ADAMTS3: variants seen among roughly 807,000 people sequenced by gnomAD.
ADAMTS3 encodes A disintegrin and metalloproteinase with thrombospondin motifs 3.
A neutral mutation model predicts 129.0 loss-of-function variants in ADAMTS3; 73 were observed. That is an observed-to-expected ratio of 0.57 (90% CI 0.47 to 0.69). The LOEUF is 0.69. Among genes scored for constraint, ADAMTS3 ranks in the 30% least tolerant of loss-of-function variants. The pLI, the probability that ADAMTS3 is intolerant of heterozygous loss-of-function variation, is 0.00. For missense variants in ADAMTS3, 1,457 were observed against 1,514.5 expected (o/e 0.96, Z 0.63); for synonymous variants, 477 against 510.8 (o/e 0.93, Z 0.89).
chr4:72,349,362 T>C (rs1720368029), intron 4 of ADAMTS3, among the ~76,000 whole-genome samples: 1 of 152,044 alleles, frequency 6.6e-6, no homozygotes, highest in African/African-American at 2.4e-5. Context: ...TCGTCAAGGA[T>C]ACAACCATCG....
At chr4:72,353,519 T>C (rs1720496957) in intron 4 of ADAMTS3, among the ~76,000 whole-genome samples, 1 of 151,920 alleles carries the variant, frequency 6.6e-6, no homozygotes, top group Non-Finnish European at 1.5e-5. Flanking sequence ...TTGGATAATA[T>C]CATCAGTAGC....
chr4:72,526,724 ATATACATACATATATATATATATATATAT>A (rs1233599966), intron 3 of ADAMTS3, among the ~76,000 whole-genome samples: 107 of 77,724 alleles, frequency 1.4e-3, no homozygotes, highest in African/African-American at 5.4e-3. Flanking sequence ...CAGAAAAAAT[ATATACATACATATATATATATATATATAT>A]ATATATATAT....
intron 3 of ADAMTS3, among the ~76,000 whole-genome samples, chr4:72,482,025 A>G (rs998886193): frequency 1.3e-5 from 2 of 152,114 alleles, no homozygotes; most frequent in Non-Finnish European, 2.9e-5. Flanking sequence ...GAATGTGAAG[A>G]AACTGGAACA....
chr4:72,323,423 G>A (rs750873788), intron 5 of ADAMTS3, among the ~76,000 whole-genome samples: 3 of 152,196 alleles, frequency 2.0e-5, no homozygotes, highest in Admixed American at 6.5e-5. Flanking sequence ...CCACAGGAGG[G>A]TAACTTTGGC....
chr4:72,473,207 C>T (rs2109995979), intron 3 of ADAMTS3, among the ~76,000 whole-genome samples: 1 of 152,150 alleles, frequency 6.6e-6, no homozygotes, highest in South Asian at 2.1e-4. Context: ...ACTCTACTCA[C>T]TAAGTACAAC....
At chr4:72,519,020 T>C (rs937392868) in intron 3 of ADAMTS3, among the ~76,000 whole-genome samples, 4 of 151,482 alleles carry the variant, frequency 2.6e-5, no homozygotes, top group African/African-American at 9.7e-5. Context: ...GGAGCTCTTT[T>C]AGGGCAGGCC....
At chr4:72,305,279 T>C (rs1425944116) in intron 16 of ADAMTS3, among the ~76,000 whole-genome samples, 2 of 151,998 alleles carry the variant, frequency 1.3e-5, no homozygotes, top group African/African-American at 2.4e-5. Flanking sequence ...GGCAAATGGA[T>C]CTGCATGTGC....
chr4:72,447,500 A>G (rs1024814587), intron 3 of ADAMTS3, among the ~76,000 whole-genome samples: 2 of 151,798 alleles, frequency 1.3e-5, no homozygotes, highest in African/African-American at 4.8e-5. Flanking sequence ...GTTCAATTAC[A>G]ACAAAATTTG....
intron 3 of ADAMTS3, among the ~76,000 whole-genome samples, chr4:72,416,528 T>C (rs998379475): frequency 6.6e-5 from 10 of 152,150 alleles, no homozygotes; most frequent in South Asian, 2.1e-4. Flanking sequence ...TAAAAGAGCA[T>C]TGAGCTAGTG....
At chr4:72,412,987 C>G (rs776515665) in intron 4 of ADAMTS3, among the ~76,000 whole-genome samples, 7 of 151,938 alleles carry the variant, frequency 4.6e-5, no homozygotes, top group Non-Finnish European at 2.9e-5. Context: ...CCATCCAATT[C>G]CTTTGTATAT....
At chr4:72,525,224 C>T (rs1720777505) in intron 3 of ADAMTS3, among the ~76,000 whole-genome samples, 1 of 152,130 alleles carries the variant, frequency 6.6e-6, no homozygotes, top group Non-Finnish European at 1.5e-5. Flanking sequence ...CAGGTAGAGC[C>T]TAAAGACCCC....
At chr4:72,307,112 T>C (rs1275858409) in intron 15 of ADAMTS3, among the ~76,000 whole-genome samples, 5 of 152,138 alleles carry the variant, frequency 3.3e-5, no homozygotes, top group Non-Finnish European at 7.4e-5. Flanking sequence ...CAATCCACAA[T>C]TATTGATGAA....
chr4:72,399,527 G>A (rs187669571), intron 4 of ADAMTS3, among the ~76,000 whole-genome samples: 11 of 152,222 alleles, frequency 7.2e-5, no homozygotes, highest in African/African-American at 2.4e-4. Flanking sequence ...ATTTATTGAA[G>A]ACCTACCCTG....
At chr4:72,563,584 A>C (rs1403507757) in intron 2 of ADAMTS3, among the ~76,000 whole-genome samples, 2 of 152,212 alleles carry the variant, frequency 1.3e-5, no homozygotes, top group Non-Finnish European at 2.9e-5. Flanking sequence ...GAGTACAAAC[A>C]GAAAAGCATA....
intron 3 of ADAMTS3, among the ~76,000 whole-genome samples, chr4:72,530,475 A>AATATATAAATATATAAAAT (rs1334957984): frequency 1.2e-5 from 1 of 81,632 alleles, no homozygotes; most frequent in African/African-American, 5.0e-5. Context: ...ATATTAATTT[A>AATATATAAATATATAAAAT]ATATATAAAT....
chr4:72,441,240 T>C (rs1404301909), intron 3 of ADAMTS3, among the ~76,000 whole-genome samples: 3 of 151,780 alleles, frequency 2.0e-5, no homozygotes, highest in African/African-American at 4.8e-5. Flanking sequence ...CATGAATCAG[T>C]AGTTTCTTCT....
At chr4:72,434,172 C>T (rs1177272593) in intron 3 of ADAMTS3, among the ~76,000 whole-genome samples, 3 of 151,688 alleles carry the variant, frequency 2.0e-5, no homozygotes, top group Non-Finnish European at 4.4e-5. Flanking sequence ...TGGAGCTCCC[C>T]CCCACCAAGA....
chr4:72,281,607 G>T lies in ADAMTS3; in HGVS notation c.*1529C>A, dbSNP rs924440972. ...TTAATGTTTCCTTGAAGGGAAACAA[G>T]TCATCAACTTAATATCAACTACTAA... On this transcript the variant is annotated 3_prime_UTR_variant, in exon 22 of 22. Transcript: ENST00000286657. 27 of 152,270 alleles carry T rather than the reference G, an allele frequency of 1.8e-4. No homozygotes were observed. The highest frequency in any genetic ancestry group is 5.5e-4 in the African/African-American group (23 of 41,566). 9.4% of individuals were successfully genotyped at this position (152,270 alleles called of 1,614,324 possible). A position where few individuals can be genotyped will look rare whatever the true frequency, so the allele number is the denominator to read the frequency against.
intron 15 of ADAMTS3, among the ~76,000 whole-genome samples, chr4:72,308,483 G>A (rs1033628374): frequency 1.3e-5 from 2 of 151,808 alleles, no homozygotes; most frequent in African/African-American, 4.8e-5. Flanking sequence ...CTTTGTTTTT[G>A]TTTTACTTTC....
Sources: allele counts gnomAD v4.1 joint callset (sites outside exome capture counted in the v4.1 genomes callset), GRCh38; gene constraint gnomAD v4.1.1; transcripts MANE v1.5; gene names NCBI Gene and HGNC (gene_info 2026-07-23, HGNC 2026-07-21).